NUBPL: variants seen among roughly 807,000 people sequenced by gnomAD.
NUBPL encodes iron-sulfur cluster transfer protein NUBPL.
In NUBPL, 31 loss-of-function variants were observed where a neutral mutation model predicts 45.7. The ratio of observed to expected loss-of-function variants is 0.68; its 90% CI spans 0.51 to 0.92. The LOEUF (loss-of-function observed/expected upper bound fraction) is 0.92, where lower values mean the gene tolerates loss of function less well. Among genes scored for constraint, NUBPL ranks in the 40% least tolerant of loss-of-function variants. The pLI is 0.00. For synonymous variants in NUBPL, 144 were observed against 140.9 expected (o/e 1.02, Z -0.15); for missense variants, 401 against 398.7 (o/e 1.01, Z -0.05).
intron 6 of NUBPL, among the ~76,000 whole-genome samples, chr14:31,685,645 CAG>C (rs201106278): frequency 0.012 from 1,803 of 151,878 alleles, 28 homozygotes; most frequent in African/African-American, 0.034. Context: ...GATTAAAGGT[CAG>C]AGAGGTAAGT....
intron 8 of NUBPL, among the ~76,000 whole-genome samples, chr14:31,837,484 A>T (rs538280311): frequency 6.6e-6 from 1 of 152,322 alleles, no homozygotes; most frequent in Admixed American, 6.5e-5. Context: ...GGAAATATAA[A>T]CCATGGAAAT....
chr14:31,562,076 C>G lies in NUBPL; in HGVS notation c.117C>G (p.Gly39=). The change falls in exon 2 of 11, where the codon GGC becomes GGG. Residue 39 remains glycine, a synonymous_variant. Coordinates refer to ENST00000281081, the MANE Select transcript of NUBPL (RefSeq NM_025152.3). ...RAMVCGRQLS[G]AGSETLKQRR... ...ATTATTATTTTTTAAAGTTGTCTGG[C>G]GCCGGGAGTGAGACCCTAAAACAAA... The G allele has an allele frequency of 6.3e-7, 1 of 1,596,406 alleles. No individual in the cohort carries two copies. Among genetic ancestry groups the G allele is most frequent in the Non-Finnish European group, 8.5e-7 (1 of 1,170,756 alleles).
intron 8 of NUBPL, among the ~76,000 whole-genome samples, chr14:31,838,632 G>T (rs1301300065): frequency 6.6e-6 from 1 of 152,034 alleles, no homozygotes; most frequent in African/African-American, 2.4e-5. Flanking sequence ...TTATTAACAG[G>T]GTCTTGGTAA....
chr14:31,644,099 T>C (rs1196523393), intron 4 of NUBPL, among the ~76,000 whole-genome samples: 1 of 152,058 alleles, frequency 6.6e-6, no homozygotes, highest in African/African-American at 2.4e-5. Context: ...AATCAACTTT[T>C]TGTTTCATTG....
Position 31,837,470 on chromosome 14 carries a change from C to G in NUBPL, c.694-9001C>G, listed in dbSNP as rs1233522465. On this transcript the variant is annotated intron_variant, in intron 8 of 10. Transcript: ENST00000281081. ...TTTAATTTTCTAGAGCAGCACTGTC[C>G]AGTGGAAATATAAACCATGGAAATA... Among the ~76,000 whole-genome samples, 83 of 152,130 alleles carry G rather than the reference C, an allele frequency of 5.5e-4. 1 individual carries two copies. The highest frequency in any genetic ancestry group is 2.9e-5 in the Non-Finnish European group (2 of 68,020).
chr14:31,675,787 T>C (rs2036680246), intron 6 of NUBPL, among the ~76,000 whole-genome samples: 1 of 152,146 alleles, frequency 6.6e-6, no homozygotes, highest in Non-Finnish European at 1.5e-5. Flanking sequence ...TGAGCTAAAA[T>C]TATGCATACA....
At chr14:31,681,172 G>A (rs117150370) in intron 6 of NUBPL, among the ~76,000 whole-genome samples, 9,689 of 151,944 alleles carry the variant, frequency 0.064, 408 homozygotes, top group Non-Finnish European at 0.091. Context: ...GGAATTTATC[G>A]GTGAAACCCA....
chr14:31,834,859 C>G lies in NUBPL; in HGVS notation c.693+8145C>G, dbSNP rs1029892238. Among the ~76,000 whole-genome samples the G allele has an allele frequency of 1.3e-4, 20 of 152,316 alleles. No individual in the cohort carries two copies. In the South Asian group the frequency reaches 1.4e-3, roughly 11 times the overall value. On this transcript the variant is annotated intron_variant, in intron 8 of 10. Transcript: ENST00000281081. ...TCTGGGCTCTGATCCAAGAAGTCAGCTTTCCAGAGCCCGTATTCTTAACTG... is the reference window on the plus strand; with the variant it reads ...TCTGGGCTCTGATCCAAGAAGTCAGGTTTCCAGAGCCCGTATTCTTAACTG...
intron 3 of NUBPL, among the ~76,000 whole-genome samples, chr14:31,567,252 T>C (rs2033459845): frequency 6.6e-6 from 1 of 152,222 alleles, no homozygotes; most frequent in Non-Finnish European, 1.5e-5. Flanking sequence ...TCAAAGAGTT[T>C]AGGTTTTCTT....
intron 3 of NUBPL, among the ~76,000 whole-genome samples, chr14:31,574,582 C>CTTTTT (rs71115022): frequency 4.5e-5 from 3 of 66,904 alleles, no homozygotes; most frequent in African/African-American, 1.3e-4. Context: ...TTCTTTCCTT[C>CTTTTT]TTTTTTTTTT....
chr14:31,792,058 T>C (rs1028716413), intron 7 of NUBPL, among the ~76,000 whole-genome samples: 2 of 152,186 alleles, frequency 1.3e-5, no homozygotes, highest in Non-Finnish European at 2.9e-5. Context: ...TTACAGTAGA[T>C]CATAGCTAAG....
At chr14:31,830,460 T>C (rs1011905056) in intron 8 of NUBPL, among the ~76,000 whole-genome samples, 2 of 152,196 alleles carry the variant, frequency 1.3e-5, no homozygotes, top group Middle Eastern at 3.2e-3. Flanking sequence ...ATTTTTTTCA[T>C]GCCACTGTAA....
intron 4 of NUBPL, among the ~76,000 whole-genome samples, chr14:31,654,598 A>G (rs1375569890): frequency 6.6e-6 from 1 of 151,972 alleles, no homozygotes; most frequent in Non-Finnish European, 1.5e-5. Flanking sequence ...TTTAGTAGAC[A>G]TGGGGTTTCA....
intron 6 of NUBPL, among the ~76,000 whole-genome samples, chr14:31,765,035 A>G (rs749984980): frequency 4.6e-5 from 7 of 152,158 alleles, no homozygotes; most frequent in Non-Finnish European, 1.0e-4. Context: ...ACACCTACAT[A>G]TTACATTAAA....
At chr14:31,768,093 C>T (rs1250169826) in intron 6 of NUBPL, among the ~76,000 whole-genome samples, 1 of 152,108 alleles carries the variant, frequency 6.6e-6, no homozygotes, top group East Asian at 1.9e-4. Flanking sequence ...GTTTCATTGC[C>T]CTAAGCAGTT....
At chr14:31,659,281 T>G (rs2036213992) in intron 4 of NUBPL, among the ~76,000 whole-genome samples, 1 of 152,364 alleles carries the variant, frequency 6.6e-6, no homozygotes. Flanking sequence ...TTTAAAATTT[T>G]TCTCTCCCAG....
At chr14:31,854,876 C>T (rs914123068) in intron 10 of NUBPL, among the ~76,000 whole-genome samples, 1 of 152,200 alleles carries the variant, frequency 6.6e-6, no homozygotes, top group African/African-American at 2.4e-5. Context: ...ACTGCACTGG[C>T]TAAAAAATTT....
At chr14:31,790,805 C>T (rs1045916177) in intron 7 of NUBPL, among the ~76,000 whole-genome samples, 3 of 151,946 alleles carry the variant, frequency 2.0e-5, no homozygotes, top group African/African-American at 4.8e-5. Context: ...GAGCCGAGAT[C>T]GCGCCACTGC....
intron 4 of NUBPL, among the ~76,000 whole-genome samples, chr14:31,607,104 GGCACAGT>G (rs2034621122): frequency 1.3e-5 from 2 of 152,128 alleles, no homozygotes; most frequent in South Asian, 4.2e-4. Context: ...TAGCTGGCTG[GGCACAGT>G]GGCTCACGAC....
Sources: allele counts gnomAD v4.1 joint callset (sites outside exome capture counted in the v4.1 genomes callset), GRCh38; gene constraint gnomAD v4.1.1; transcripts MANE v1.5; gene names NCBI Gene and HGNC (gene_info 2026-07-23, HGNC 2026-07-21).